SYNPR: variants seen among roughly 807,000 people sequenced by gnomAD.
The protein encoded by SYNPR is synaptoporin.
SYNPR carries 23 observed loss-of-function variants against 32.9 expected under a neutral mutation model. The observed-to-expected ratio is 0.70, with a 90% confidence interval of 0.50 to 0.99. The LOEUF (loss-of-function observed/expected upper bound fraction) is 0.99, where lower values mean the gene tolerates loss of function less well. SYNPR is among the 50% of genes least tolerant of loss of function. The pLI is 0.00. For synonymous variants in SYNPR, 146 were observed against 135.9 expected (o/e 1.07, Z -0.52); for missense variants, 318 against 349.3 (o/e 0.91, Z 0.71).
intron 2 of SYNPR, among the ~76,000 whole-genome samples, chr3:63,370,441 C>G (rs1410008217): frequency 6.6e-6 from 1 of 152,156 alleles, no homozygotes; most frequent in Non-Finnish European, 1.5e-5. Flanking sequence ...TCTAGTGTGC[C>G]AATAAAGAAT....
chr3:63,525,452 A>G (rs1326120348), intron 3 of SYNPR, among the ~76,000 whole-genome samples: 1 of 152,172 alleles, frequency 6.6e-6, no homozygotes. Context: ...TTGACTAAGA[A>G]CAAATGCTTT....
chr3:63,479,349 T>C lies in SYNPR; in HGVS notation c.85-1483T>C, dbSNP rs553113073. Among the ~76,000 whole-genome samples the C allele has an allele frequency of 3.9e-5, 6 of 152,272 alleles. No homozygotes were observed. The South Asian group carries it at 6.2e-4, about 16-fold the overall frequency. ...AAATTCTTTCCACATATTAACACAT[T>C]TTACTCTTACTACAATCCTTATATC... On this transcript the variant is annotated intron_variant, in intron 2 of 5. Coordinates refer to ENST00000478300, the MANE Select transcript of SYNPR (RefSeq NM_001130003.2).
At chr3:63,375,178 C>G (rs1169281250) in intron 2 of SYNPR, among the ~76,000 whole-genome samples, 1 of 152,112 alleles carries the variant, frequency 6.6e-6, no homozygotes, top group Admixed American at 6.6e-5. Context: ...CCTCAAGGAT[C>G]TAGAACTAGA....
At chr3:63,594,007 A>T (rs1212849249) in intron 4 of SYNPR, among the ~76,000 whole-genome samples, 1 of 152,290 alleles carries the variant, frequency 6.6e-6, no homozygotes, top group East Asian at 1.9e-4. Context: ...AAAAAAATCA[A>T]TGGGATTTGG....
At chr3:63,459,036 T>C (rs1700534638) in intron 2 of SYNPR, among the ~76,000 whole-genome samples, 1 of 152,044 alleles carries the variant, frequency 6.6e-6, no homozygotes, top group Non-Finnish European at 1.5e-5. Flanking sequence ...TTGATCTCTT[T>C]GTCTCCCATT....
At chr3:63,425,780 CTTT>C (rs556889581) in intron 2 of SYNPR, among the ~76,000 whole-genome samples, 1 of 136,802 alleles carries the variant, frequency 7.3e-6, no homozygotes, top group Admixed American at 7.4e-5. Flanking sequence ...TGGAAATAGA[CTTT>C]TTTTTTTTTT....
chr3:63,370,202 A>G (rs977679286), intron 2 of SYNPR, among the ~76,000 whole-genome samples: 2 of 152,150 alleles, frequency 1.3e-5, no homozygotes, highest in African/African-American at 2.4e-5. Context: ...ATCCCCCTTT[A>G]TCCTCTAAAA....
chr3:63,352,704 G>A (rs1161719768), intron 2 of SYNPR, among the ~76,000 whole-genome samples: 1 of 152,210 alleles, frequency 6.6e-6, no homozygotes, highest in Non-Finnish European at 1.5e-5. Context: ...ATAAAGGAAA[G>A]AGGTTTAATT....
chr3:63,606,685 C>T (rs1401897180), intron 4 of SYNPR, among the ~76,000 whole-genome samples: 1 of 151,874 alleles, frequency 6.6e-6, no homozygotes, highest in Non-Finnish European at 1.5e-5. Flanking sequence ...CCTGCCTTGG[C>T]CTCCCAAAAT....
chr3:63,317,047 G>A (rs1299792700), intron 2 of SYNPR, among the ~76,000 whole-genome samples: 1 of 151,864 alleles, frequency 6.6e-6, no homozygotes, highest in Non-Finnish European at 1.5e-5. Flanking sequence ...GGTTCTGAAG[G>A]TTCCTTTTGG....
chr3:63,512,784 G>A (rs543585469), intron 3 of SYNPR, among the ~76,000 whole-genome samples: 10 of 152,270 alleles, frequency 6.6e-5, no homozygotes, highest in African/African-American at 2.4e-4. Flanking sequence ...TTTCTGACCT[G>A]TGAAAATATA....
chr3:63,431,587 A>G (rs925587777), intron 2 of SYNPR, among the ~76,000 whole-genome samples: 1 of 152,204 alleles, frequency 6.6e-6, no homozygotes, highest in Non-Finnish European at 1.5e-5. Context: ...AAGTAGAGTC[A>G]TGGTTGGCCA....
At chr3:63,344,848 T>C (rs1041024724) in intron 2 of SYNPR, among the ~76,000 whole-genome samples, 23 of 152,030 alleles carry the variant, frequency 1.5e-4, no homozygotes, top group African/African-American at 5.3e-4. Flanking sequence ...GGAATGGTGA[T>C]TGGTTGGGTT....
intron 2 of SYNPR, among the ~76,000 whole-genome samples, chr3:63,378,831 G>A (rs1036429585): frequency 5.3e-5 from 8 of 150,974 alleles, no homozygotes; most frequent in Non-Finnish European, 7.4e-5. Flanking sequence ...CCTTGTCTTG[G>A]GTTTATTTTG....
chr3:63,459,316 C>G (rs1481167497), intron 2 of SYNPR, among the ~76,000 whole-genome samples: 1 of 152,064 alleles, frequency 6.6e-6, no homozygotes, highest in Non-Finnish European at 1.5e-5. Flanking sequence ...ATGTTTTTCT[C>G]CATCCTTTTT....
chr3:63,570,888 G>A (rs764851856), intron 4 of SYNPR, among the ~76,000 whole-genome samples: 2 of 152,146 alleles, frequency 1.3e-5, no homozygotes, highest in Non-Finnish European at 2.9e-5. Context: ...CAAGGATAGG[G>A]TCTGAGTTTG....
At chr3:63,378,737 T>C (rs1401249917) in intron 2 of SYNPR, among the ~76,000 whole-genome samples, 2 of 152,100 alleles carry the variant, frequency 1.3e-5, no homozygotes, top group East Asian at 3.8e-4. Context: ...GTCTCATTTC[T>C]AGTATTAGTA....
chr3:63,413,625 T>A (rs2088499049), intron 2 of SYNPR, among the ~76,000 whole-genome samples: 1 of 152,188 alleles, frequency 6.6e-6, no homozygotes, highest in Admixed American at 6.5e-5. Context: ...CAGAGTACAG[T>A]TATGCTAAGC....
intron 2 of SYNPR, among the ~76,000 whole-genome samples, chr3:63,436,828 G>C (rs73849129): frequency 0.074 from 10,946 of 147,098 alleles, 604 homozygotes; most frequent in African/African-American, 0.17. Context: ...TATTCCAGCG[G>C]GGGAAGACTG....
Sources: allele counts gnomAD v4.1 joint callset (sites outside exome capture counted in the v4.1 genomes callset), GRCh38; gene constraint gnomAD v4.1.1; transcripts MANE v1.5; gene names NCBI Gene and HGNC (gene_info 2026-07-23, HGNC 2026-07-21).